Variants in ANKRD28 observed in about 807,000 individuals in gnomAD.
ANKRD28 encodes the protein ankyrin repeat domain 28.
A neutral mutation model predicts 126.5 loss-of-function variants in ANKRD28; 44 were observed. The ratio of observed to expected loss-of-function variants is 0.35; its 90% CI spans 0.27 to 0.45. The LOEUF (loss-of-function observed/expected upper bound fraction) is 0.45. Among genes scored for constraint, ANKRD28 ranks in the 20% least tolerant of loss-of-function variants. The pLI is 1.00. For missense variants in ANKRD28, 1,110 were observed against 1,316.6 expected (o/e 0.84, Z 2.43); for synonymous variants, 442 against 468.5 (o/e 0.94, Z 0.73).
At chr3:15,778,713 A>G (rs2059409437) in intron 2 of ANKRD28, among the ~76,000 whole-genome samples, 1 of 152,208 alleles carries the variant, frequency 6.6e-6, no homozygotes, top group East Asian at 1.9e-4. Context: ...TCACTTACCT[A>G]GAGTCAGCTT....
rs2125976305 is a variant in ANKRD28, at chr3:15,843,256, CA to C, written c.27+16120del. On this transcript the variant is annotated intron_variant, in intron 1 of 27. Transcript: ENST00000399451. This position sits in a 1 kb window ranked among gnomAD's most constrained non-coding sequence, Gnocchi z 5.2. Reference sequence around the variant, plus strand: ...CAGATCTCATGAGAACTCACTATCACAGGGACATCATCAAGGGGATGGTGCT... The same window carrying C: ...CAGATCTCATGAGAACTCACTATCACGGGACATCATCAAGGGGATGGTGCT... 6.6e-6 allele frequency among the ~76,000 whole-genome samples: 1 copy of C among 152,308 alleles called. No individual in the cohort carries two copies. The highest frequency in any genetic ancestry group is 1.5e-5 in the Non-Finnish European group (1 of 68,026).
chr3:15,824,471 C>T (rs1303325022), intron 1 of ANKRD28, among the ~76,000 whole-genome samples: 1 of 152,046 alleles, frequency 6.6e-6, no homozygotes, highest in Non-Finnish European at 1.5e-5. Context: ...TTAAAAAAAA[C>T]AAACTATCAG....
intron 3 of ANKRD28, among the ~76,000 whole-genome samples, chr3:15,762,212 AACAAAAC>A (rs1559489196): frequency 2.4e-4 from 7 of 29,586 alleles, no homozygotes; most frequent in Admixed American, 1.2e-3. Flanking sequence ...AAAAAAAAAA[AACAAAAC>A]AAAAAAAAAA....
intron 1 of ANKRD28, among the ~76,000 whole-genome samples, chr3:15,823,076 C>G (rs2060978608): frequency 6.6e-6 from 1 of 152,214 alleles, no homozygotes; most frequent in African/African-American, 2.4e-5. Context: ...AGTGGTCCCC[C>G]ACCTTGTTTT....
Position 15,694,961 on chromosome 3 carries a change from C to T in ANKRD28, c.1687-148G>A, listed in dbSNP as rs2069325651. The T allele has an allele frequency of 4.9e-6, 4 of 812,946 alleles. No individual in the cohort carries two copies. The Admixed American group carries it at 7.7e-5, about 16-fold the overall frequency. 50.4% of individuals were successfully genotyped at this position (812,946 alleles called of 1,614,324 possible). A position where few individuals can be genotyped will look rare whatever the true frequency, so the allele number is the denominator to read the frequency against. The stretch of plus-strand genomic sequence containing the variant: ...GATTATTATGAAAGTATACTAAGGA[C>T]CACAGACTAAGAGCTTTGAAGACAG... On this transcript the variant is annotated intron_variant, in intron 16 of 27. Transcript: ENST00000683139.
Position 15,678,857 on chromosome 3 carries a change from G to A in ANKRD28, c.2561+444C>T, listed in dbSNP as rs978362142. ...AACCTTTTATAATGTAAAAATAATT[G>A]AGATCTTATAACAATTTATACTCGC... is the stretch of plus-strand genomic sequence containing the variant. On this transcript the variant is annotated intron_variant, in intron 23 of 27. Coordinates refer to ENST00000683139, the MANE Select transcript of ANKRD28 (RefSeq NM_001349278.2). Among the ~76,000 whole-genome samples the A allele has an allele frequency of 9.2e-5, 14 of 152,276 alleles. 1 individual carries two copies. In the South Asian group the frequency reaches 2.9e-3, roughly 32 times the overall value.
At position 15,675,908 on chromosome 3, in the gene ANKRD28, T is replaced by A. The variant is rs2066888571; in HGVS notation, c.2955A>T (p.Val985=). 1 of 1,608,970 alleles carries A rather than the reference T, an allele frequency of 6.2e-7. No homozygotes were observed. Among genetic ancestry groups the A allele is most frequent in the Non-Finnish European group, 8.5e-7 (1 of 1,176,438 alleles). ...LLGKGASVLA[V]DENGYTPALA... is the part of the protein sequence containing the mutation. The stretch of plus-strand genomic sequence containing the variant: ...ATAGAACCAACTTACCATTTTCATC[T>A]ACTGCAAGCACACTTGCTCCTTTTC... Residue 985 remains valine (V), a synonymous_variant, in exon 27 of 28, where the codon GTA becomes GTT. Transcript: ENST00000683139.
chr3:15,707,812 T>C (rs1410589013), intron 14 of ANKRD28, 112 bp downstream of exon 14: 12 of 1,311,610 alleles, frequency 9.1e-6, no homozygotes, highest in Admixed American at 2.3e-5. Flanking sequence ...AGGGCAAAGA[T>C]AATCAACAAA....
chr3:15,842,715 T>C (rs2125974682), intron 1 of ANKRD28, among the ~76,000 whole-genome samples: 1 of 152,288 alleles, frequency 6.6e-6, no homozygotes, highest in East Asian at 1.9e-4. Flanking sequence ...ATACACCTAC[T>C]GTGTACCCAC....
intron 6 of ANKRD28, among the ~76,000 whole-genome samples, chr3:15,734,513 G>C (rs770362372): frequency 6.6e-5 from 10 of 152,124 alleles, no homozygotes; most frequent in Non-Finnish European, 1.3e-4. Context: ...TATAACCTCT[G>C]GCAGGAAGAA....
chr3:15,674,630 A>T (rs1281613197), intron 27 of ANKRD28, among the ~76,000 whole-genome samples: 1 of 152,216 alleles, frequency 6.6e-6, no homozygotes, highest in Non-Finnish European at 1.5e-5. Context: ...GGTAGTATTT[A>T]AAACCAAAGG....
intron 2 of ANKRD28, among the ~76,000 whole-genome samples, chr3:15,777,389 A>C (rs1477795351): frequency 1.3e-5 from 2 of 152,310 alleles, no homozygotes; most frequent in South Asian, 4.1e-4. Context: ...ACACGGAATC[A>C]GGAATAAAAG....
chr3:15,733,389 G>A (rs1394001830), intron 6 of ANKRD28: 1 of 152,248 alleles, frequency 6.6e-6, no homozygotes, highest in East Asian at 1.9e-4. Context: ...GAGGCTTATT[G>A]AAAAGGGAAC....
chr3:15,831,046 C>G (rs752363191), intron 1 of ANKRD28, among the ~76,000 whole-genome samples: 1 of 152,186 alleles, frequency 6.6e-6, no homozygotes, highest in Non-Finnish European at 1.5e-5. Context: ...TGGAAGTTCA[C>G]GCCTGAAACT....
chr3:15,761,750 A>G (rs1559487924), intron 3 of ANKRD28, among the ~76,000 whole-genome samples: 2 of 152,344 alleles, frequency 1.3e-5, no homozygotes, highest in East Asian at 3.9e-4. Flanking sequence ...TAAAATGTGT[A>G]GTATATCTTC....
intron 1 of ANKRD28, among the ~76,000 whole-genome samples, chr3:15,813,921 A>C (rs1188667504): frequency 6.6e-6 from 1 of 152,224 alleles, no homozygotes; most frequent in African/African-American, 2.4e-5. Context: ...TTTCAGAACA[A>C]AATAAATAAA....
chr3:15,727,304 C>T (rs915201717), intron 6 of ANKRD28, among the ~76,000 whole-genome samples: 8 of 151,988 alleles, frequency 5.3e-5, no homozygotes, highest in Admixed American at 2.6e-4. Context: ...TGGCCAGGTG[C>T]GGTGCCTCAC....
intron 4 of ANKRD28, among the ~76,000 whole-genome samples, 171 bp downstream of exon 4, chr3:15,751,576 AAAG>A (rs1488924822): frequency 6.6e-6 from 1 of 152,202 alleles, no homozygotes; most frequent in Non-Finnish European, 1.5e-5. Flanking sequence ...CTTATAAACA[AAAG>A]AAGAAATGAA....
intron 21 of ANKRD28, among the ~76,000 whole-genome samples, chr3:15,682,826 A>G (rs2067681068): frequency 6.6e-6 from 1 of 152,212 alleles, no homozygotes; most frequent in Non-Finnish European, 1.5e-5. Context: ...TAGGCTGTCT[A>G]TATAGTCGCT....
Sources: gnomAD v4.1 joint callset for allele counts (sites outside exome capture counted in the v4.1 genomes callset) on GRCh38, gnomAD v4.1.1 for gene constraint, Gnocchi (gnomAD v3.1) non-coding constraint, MANE v1.5 for transcripts, NCBI Gene and HGNC (gene_info 2026-07-23, HGNC 2026-07-21) for gene names.